UBE2Q2: variants seen among roughly 807,000 people sequenced by gnomAD.
The protein encoded by UBE2Q2 is ubiquitin conjugating enzyme E2 Q2.
UBE2Q2 carries 54 observed loss-of-function variants against 59.9 expected under a neutral mutation model. That is an observed-to-expected ratio of 0.90 (90% CI 0.72 to 1.13). UBE2Q2 has a LOEUF of 1.13. Ranked by LOEUF, UBE2Q2 falls within the 50% of genes most tolerant of loss-of-function variation. UBE2Q2 has a pLI of 0.00. For synonymous variants in UBE2Q2, 165 were observed against 155.2 expected (o/e 1.06, Z -0.47); for missense variants, 433 against 441.9 (o/e 0.98, Z 0.18).
intron 1 of UBE2Q2, among the ~76,000 whole-genome samples, chr15:75,849,082 T>G (rs921305071): frequency 6.6e-6 from 1 of 152,228 alleles, no homozygotes; most frequent in African/African-American, 2.4e-5. Flanking sequence ...AGTGTTAGAA[T>G]TTTTACTCTG....
chr15:75,862,846 A>C (rs1347077836), intron 3 of UBE2Q2, among the ~76,000 whole-genome samples: 1 of 150,940 alleles, frequency 6.6e-6, no homozygotes, highest in Admixed American at 6.6e-5. Flanking sequence ...AAAAGGACTG[A>C]AAGACTGATT....
At chr15:75,871,608 T>G (rs994696516) in intron 4 of UBE2Q2, among the ~76,000 whole-genome samples, 2 of 152,348 alleles carry the variant, frequency 1.3e-5, no homozygotes, top group African/African-American at 4.8e-5. Flanking sequence ...AGCATTTGTT[T>G]AACAAAGCAC....
At chr15:75,881,142 AAAAAC>A (rs1297550167) in intron 8 of UBE2Q2, among the ~76,000 whole-genome samples, 2 of 152,224 alleles carry the variant, frequency 1.3e-5, no homozygotes, top group African/African-American at 4.8e-5. Context: ...GCCAAAAACA[AAAAAC>A]AAAACACACA....
chr15:75,866,179 CT>C (rs879448039), intron 3 of UBE2Q2, among the ~76,000 whole-genome samples: 56 of 146,178 alleles, frequency 3.8e-4, no homozygotes, highest in Admixed American at 3.4e-4. Flanking sequence ...TTCAGTTTTA[CT>C]TTTTTTTTTT....
chr15:75,871,273 C>T (rs1440342729), intron 4 of UBE2Q2, among the ~76,000 whole-genome samples: 2 of 152,264 alleles, frequency 1.3e-5, no homozygotes, highest in South Asian at 2.1e-4. Context: ...GTAGATGGAA[C>T]GTACAATCGG....
chr15:75,868,141 G>T (rs1897601165), intron 3 of UBE2Q2, among the ~76,000 whole-genome samples: 1 of 152,124 alleles, frequency 6.6e-6, no homozygotes, highest in Non-Finnish European at 1.5e-5. Context: ...AGATACTGCC[G>T]AGACCTTTGT....
At chr15:75,888,751 T>TAGTTCTAGTGTTCAACAAA (rs1898930270) in intron 9 of UBE2Q2, among the ~76,000 whole-genome samples, 1 of 152,224 alleles carries the variant, frequency 6.6e-6, no homozygotes, top group Admixed American at 6.5e-5. Context: ...ACTACTTGTC[T>TAGTTCTAGTGTTCAACAAA]TGTGTTCAAC....
At chr15:75,897,140 T>C in intron 12 of UBE2Q2, 79 bp downstream of exon 12, 1 of 814,606 alleles carries the variant, frequency 1.2e-6, no homozygotes, top group South Asian at 3.8e-5. Flanking sequence ...TTTATTTTTC[T>C]GTTTTTGCTT....
intron 11 of UBE2Q2, among the ~76,000 whole-genome samples, chr15:75,892,568 T>C (rs1321600088): frequency 1.3e-5 from 2 of 151,734 alleles, no homozygotes; most frequent in East Asian, 3.9e-4. Context: ...TTACAGAAAT[T>C]AAAAAATGTA....
chr15:75,891,299 G>T lies in UBE2Q2; in HGVS notation c.1029+285G>T, dbSNP rs568581643. ...GTAAACAAAAACTTATTTGTAAACA[G>T]ATGTTTACAGTTGTAAACTTATTAT... On this transcript the variant is annotated intron_variant, in intron 11 of 12. Transcript: ENST00000267938. Among the ~76,000 whole-genome samples the T allele has an allele frequency of 1.3e-4, 19 of 148,712 alleles. 1 individual carries two copies. The South Asian group carries it at 3.9e-3, about 31-fold the overall frequency.
intron 1 of UBE2Q2, among the ~76,000 whole-genome samples, chr15:75,848,531 T>C (rs142379146): frequency 2.6e-5 from 4 of 152,348 alleles, no homozygotes; most frequent in East Asian, 3.9e-4. Flanking sequence ...ATTTATAATA[T>C]AGGGTCAAAT....
chr15:75,881,553 C>T (rs1898428703), intron 8 of UBE2Q2, among the ~76,000 whole-genome samples: 1 of 152,088 alleles, frequency 6.6e-6, no homozygotes, highest in Non-Finnish European at 1.5e-5. Context: ...AGCTAACTGA[C>T]CTTATGAAGA....
intron 11 of UBE2Q2, 93 bp downstream of exon 11, chr15:75,891,107 A>G: frequency 5.2e-6 from 5 of 957,332 alleles, no homozygotes; most frequent in Non-Finnish European, 7.7e-6. Flanking sequence ...CTTTTTTGAG[A>G]TAGTTTCATT....
At chr15:75,886,043 AC>A (rs1363753307) in intron 9 of UBE2Q2, among the ~76,000 whole-genome samples, 2 of 152,132 alleles carry the variant, frequency 1.3e-5, no homozygotes, top group African/African-American at 2.4e-5. Context: ...CATAGTTCTT[AC>A]GTTTTTCATA....
intron 8 of UBE2Q2, among the ~76,000 whole-genome samples, chr15:75,881,320 G>T (rs551142003): frequency 6.6e-6 from 1 of 151,886 alleles, no homozygotes; most frequent in East Asian, 1.9e-4. Flanking sequence ...ACGGGAATAT[G>T]AAATATTGGC....
intron 1 of UBE2Q2, among the ~76,000 whole-genome samples, chr15:75,846,637 T>A (rs1335520395): frequency 2.0e-5 from 3 of 152,184 alleles, no homozygotes; most frequent in African/African-American, 7.2e-5. Context: ...TTCAAATGAT[T>A]TGGTTTGATC....
chr15:75,860,610 A>G (rs79268648), intron 3 of UBE2Q2, among the ~76,000 whole-genome samples: 2,475 of 152,196 alleles, frequency 0.016, 66 homozygotes, highest in African/African-American at 0.056. Context: ...TTAAGATAGG[A>G]TATTTCCTTT....
chr15:75,849,962 T>G (rs1272417415), intron 1 of UBE2Q2, among the ~76,000 whole-genome samples: 1 of 152,216 alleles, frequency 6.6e-6, no homozygotes, highest in Non-Finnish European at 1.5e-5. Flanking sequence ...AACTTATCTT[T>G]TCAAGATAGA....
At chr15:75,880,664 A>G (rs1898357546) in intron 8 of UBE2Q2, among the ~76,000 whole-genome samples, 1 of 151,784 alleles carries the variant, frequency 6.6e-6, no homozygotes, top group Non-Finnish European at 1.5e-5. Flanking sequence ...CTATGTCCGC[A>G]TAATTTTTGT....
Sources: allele counts gnomAD v4.1 joint callset (sites outside exome capture counted in the v4.1 genomes callset), GRCh38; gene constraint gnomAD v4.1.1; transcripts MANE v1.5; gene names NCBI Gene and HGNC (gene_info 2026-07-23, HGNC 2026-07-21).